SEL1L2: variants seen among roughly 807,000 people sequenced by gnomAD.
SEL1L2 encodes the protein SEL1L2 adaptor subunit of SYVN1 ubiquitin ligase, also known as protein sel-1 homolog 2.
SEL1L2 carries 89 observed loss-of-function variants against 98.8 expected under a neutral mutation model. The ratio of observed to expected loss-of-function variants is 0.90; its 90% confidence interval spans 0.76 to 1.07. SEL1L2 has a LOEUF of 1.07. Ranked by LOEUF, SEL1L2 falls within the 50% of genes least tolerant of loss-of-function variation. The pLI, the probability that SEL1L2 is intolerant of heterozygous loss-of-function variation, is 0.00. For synonymous variants in SEL1L2, 262 were observed against 278.5 expected (o/e 0.94, Z 0.59); for missense variants, 788 against 812.0 (o/e 0.97, Z 0.36).
chr20:13,893,887 T>A (rs1264777131), intron 5 of SEL1L2, among the ~76,000 whole-genome samples: 1 of 152,054 alleles, frequency 6.6e-6, no homozygotes, highest in African/African-American at 2.4e-5. Flanking sequence ...AACAAAAAAC[T>A]TCACAAATAT....
chr20:13,908,004 C>T (rs758429253), intron 5 of SEL1L2, among the ~76,000 whole-genome samples: 14 of 147,868 alleles, frequency 9.5e-5, no homozygotes, highest in Non-Finnish European at 1.8e-4. Context: ...CCAGGGTAGT[C>T]TTGAACTCCT....
chr20:13,933,388 C>A (rs1355482935), intron 2 of SEL1L2, among the ~76,000 whole-genome samples: 3 of 151,970 alleles, frequency 2.0e-5, no homozygotes, highest in Admixed American at 6.6e-5. Context: ...TAAGAAAAAA[C>A]CACAAATCCT....
chr20:13,932,863 C>A (rs13041309), intron 2 of SEL1L2, among the ~76,000 whole-genome samples: 1 of 152,006 alleles, frequency 6.6e-6, no homozygotes, highest in African/African-American at 2.4e-5. Flanking sequence ...GACATCAGAG[C>A]AATGACCCAG....
intron 17 of SEL1L2, 88 bp from the exon 18 acceptor site, chr20:13,859,522 T>C (rs998792670): frequency 8.6e-7 from 1 of 1,160,490 alleles, no homozygotes; most frequent in Admixed American, 2.5e-5. Context: ...CTTGTTTCAG[T>C]CCTTTAAAAT....
intron 5 of SEL1L2, among the ~76,000 whole-genome samples, chr20:13,903,747 G>A (rs1415314046): frequency 2.0e-5 from 3 of 152,140 alleles, no homozygotes; most frequent in Non-Finnish European, 2.9e-5. Flanking sequence ...GGGGGGAGAC[G>A]GAGGTTGCAG....
chr20:13,866,643 T>C, intron 15 of SEL1L2, 59 bp downstream of exon 15: 1 of 1,328,834 alleles, frequency 7.5e-7, no homozygotes, highest in Non-Finnish European at 9.9e-7. Context: ...AAGAACAGTA[T>C]CACCTCCTCT....
chr20:13,919,323 CT>C (rs1435607611), intron 3 of SEL1L2, among the ~76,000 whole-genome samples, 200 bp from the exon 4 acceptor site: 2 of 152,094 alleles, frequency 1.3e-5, no homozygotes, highest in Non-Finnish European at 2.9e-5. Flanking sequence ...TGCCTAAAAA[CT>C]TATTCCCTGC....
At chr20:13,941,205 C>T (rs970898650) in intron 2 of SEL1L2, among the ~76,000 whole-genome samples, 9 of 152,112 alleles carry the variant, frequency 5.9e-5, no homozygotes, top group African/African-American at 1.9e-4. Flanking sequence ...TGACCGGCCT[C>T]GTAAGAACAG....
rs1329308050 is a variant in SEL1L2, at chr20:13,887,948, C to A, written c.657G>T (p.Met219Ile). Residue 219 changes from methionine to isoleucine, a missense_variant, in exon 7 of 20, where the codon ATG becomes ATT. Physicochemically the swap from Met to Ile is conservative, Grantham distance 10. Coordinates refer to ENST00000284951, the MANE Select transcript of SEL1L2 (RefSeq NM_025229.2). ...GSAGGNMMSQMILGYRYLSGI... is the reference protein window; with the variant it reads ...GSAGGNMMSQIILGYRYLSGI... ...GAATATTTTGTTTACAAACCAAAATCATCTGGGACATCATGTTTCCTCCAG... is the reference window on the plus strand; with the variant it reads ...GAATATTTTGTTTACAAACCAAAATAATCTGGGACATCATGTTTCCTCCAG... The A allele has an allele frequency of 1.7e-5, 27 of 1,613,498 alleles. No homozygotes were observed. Among genetic ancestry groups the A allele is most frequent in the Non-Finnish European group, 2.2e-5 (26 of 1,179,726 alleles).
At chr20:13,920,571 A>T (rs995202636) in intron 3 of SEL1L2, among the ~76,000 whole-genome samples, 2 of 133,896 alleles carry the variant, frequency 1.5e-5, no homozygotes, top group African/African-American at 5.8e-5. Flanking sequence ...TCTCTCTCTC[A>T]CACACACTCT....
At chr20:13,861,088 C>T (rs1990052393) in intron 17 of SEL1L2, among the ~76,000 whole-genome samples, 1 of 152,204 alleles carries the variant, frequency 6.6e-6, no homozygotes, top group South Asian at 2.1e-4. Context: ...TTCCAGCCTA[C>T]AATACTACAA....
chr20:13,876,410 T>C (rs982262486), intron 11 of SEL1L2, among the ~76,000 whole-genome samples: 53 of 138,240 alleles, frequency 3.8e-4, no homozygotes, highest in Non-Finnish European at 5.5e-4. Context: ...CTCTCTCTTT[T>C]TTTTTTTTTT....
intron 3 of SEL1L2, chr20:13,928,381 A>C (rs2148292421): frequency 6.6e-6 from 1 of 152,384 alleles, no homozygotes; most frequent in Admixed American, 6.5e-5. Context: ...TTGTTAAGAC[A>C]TGACCCCAGG....
chr20:13,942,912 A>G (rs2049843833), intron 2 of SEL1L2, among the ~76,000 whole-genome samples: 2 of 152,112 alleles, frequency 1.3e-5, no homozygotes, highest in Non-Finnish European at 2.9e-5. Flanking sequence ...AATGGACTTG[A>G]TGTCTTTTAT....
intron 5 of SEL1L2, among the ~76,000 whole-genome samples, chr20:13,912,382 TCGC>T (rs1371615248): frequency 1.3e-5 from 2 of 150,970 alleles, no homozygotes; most frequent in African/African-American, 4.9e-5. Flanking sequence ...ACTGCAACCT[TCGC>T]CTCCCAGGTT....
chr20:13,858,402 G>C lies in SEL1L2; in HGVS notation c.1818+860C>G, dbSNP rs150924639. 5.2e-4 allele frequency among the ~76,000 whole-genome samples: 79 copies of C among 152,100 alleles called. No homozygotes were observed. In the East Asian group the frequency reaches 0.014, roughly 26 times the overall value. On this transcript the variant is annotated intron_variant, in intron 18 of 19. Transcript: ENST00000284951. ...AAAAAACAGGGTCAGATAGGGCTGG[G>C]TTCAAATTCTGGCTCCACCATTGAC... is the stretch of plus-strand genomic sequence containing the variant.
intron 2 of SEL1L2, among the ~76,000 whole-genome samples, chr20:13,952,906 G>C (rs1472248993): frequency 6.6e-6 from 1 of 152,150 alleles, no homozygotes; most frequent in Admixed American, 6.5e-5. Flanking sequence ...GCGTGTGCCT[G>C]TAGTCCCAAC....
intron 14 of SEL1L2, among the ~76,000 whole-genome samples, chr20:13,867,100 G>A (rs543077727): frequency 2.6e-5 from 4 of 152,068 alleles, no homozygotes; most frequent in Non-Finnish European, 4.4e-5. Context: ...GGACTACTTC[G>A]TCTTATGAAA....
chr20:13,913,737 T>G (rs920208561), intron 5 of SEL1L2, 45 bp downstream of exon 5: 2 of 1,451,726 alleles, frequency 1.4e-6, no homozygotes, highest in Non-Finnish European at 1.8e-6. Context: ...CTATAGTTAT[T>G]TCAGGATGGA....
Sources: allele counts gnomAD v4.1 joint callset (sites outside exome capture counted in the v4.1 genomes callset), GRCh38; gene constraint gnomAD v4.1.1; transcripts MANE v1.5; gene names NCBI Gene and HGNC (gene_info 2026-07-23, HGNC 2026-07-21).